Variants in SLC6A11 observed in about 807,000 individuals in gnomAD.
The protein encoded by SLC6A11 is solute carrier family 6 member 11.
A neutral mutation model predicts 74.8 loss-of-function variants in SLC6A11; 25 were observed. The observed-to-expected ratio is 0.33, with a 90% CI of 0.24 to 0.47. The LOEUF is 0.47. SLC6A11 is among the 20% of genes least tolerant of loss of function. The pLI is 1.00. For missense variants in SLC6A11, 574 were observed against 837.0 expected, an observed-to-expected ratio of 0.69 and a Z score of 3.88; for synonymous variants, 330 against 330.2, an observed-to-expected ratio of 1.00 and a Z score of 0.01.
intron 12 of SLC6A11, 24 bp downstream of exon 12, chr3:10,934,190 C>A: frequency 1.4e-6 from 2 of 1,474,324 alleles, no homozygotes; most frequent in African/African-American, 1.4e-5. Context: ...CAGGAGCCAC[C>A]TCCAGCCATC....
chr3:10,875,663 A>C (rs987242675), intron 6 of SLC6A11, among the ~76,000 whole-genome samples: 20 of 152,208 alleles, frequency 1.3e-4, no homozygotes, highest in Admixed American at 7.9e-4. Context: ...AGAGTTGGAG[A>C]AACTGGCTAA....
chr3:10,917,685 C>T (rs3774082), intron 7 of SLC6A11, among the ~76,000 whole-genome samples: 2 of 152,148 alleles, frequency 1.3e-5, no homozygotes, highest in African/African-American at 2.4e-5. Flanking sequence ...GCTGGTGAGT[C>T]CCCCCGCTCC....
In SLC6A11 at chr3:10,816,288, C is replaced by A; in HGVS notation, c.23C>A (p.Pro8His). Reference protein sequence around the residue: MTAEKALPLGNGKAAEEA... With the variant: MTAEKALHLGNGKAAEEA... ...GCCATGACGGCGGAGAAGGCGCTGC[C>A]CCTGGGCAATGGGAAGGCTGCTGAG... is the stretch of plus-strand genomic sequence containing the variant. Residue 8 changes from proline to histidine, a missense_variant, in exon 1 of 14, where the codon CCC becomes CAC. By Grantham distance (77) the Pro-to-His change is moderately conservative (BLOSUM62 -2). Coordinates refer to ENST00000254488, the MANE Select transcript of SLC6A11 (RefSeq NM_014229.3). This position sits in a 1 kb window ranked among gnomAD's most constrained non-coding sequence, Gnocchi z 4.2. 7.2e-7 allele frequency: 1 copy of A among 1,385,926 alleles called. No individual in the cohort carries two copies. The highest frequency in any genetic ancestry group is 1.7e-5 in the South Asian group (1 of 57,790). The allele number at this position is 1,385,926 out of a possible 1,614,324, so 85.9% of individuals were successfully genotyped here.
chr3:10,818,415 G>C (rs376894844), intron 1 of SLC6A11, among the ~76,000 whole-genome samples: 43 of 152,236 alleles, frequency 2.8e-4, no homozygotes, highest in African/African-American at 9.6e-4. Context: ...CTTCTCAACT[G>C]TTTACCTTTT....
intron 7 of SLC6A11, 67 bp downstream of exon 7, chr3:10,912,260 A>G: frequency 9.1e-7 from 1 of 1,099,146 alleles, no homozygotes; most frequent in East Asian, 2.4e-5. Flanking sequence ...CTGCCAGGCT[A>G]GTTTATGTTT....
Position 10,816,912 on chromosome 3 carries a change from G to T in SLC6A11, c.256+391G>T, listed in dbSNP as rs1335372757. ...GGAAGGGACTCCTGATGATCAAAGTGGTCTCAGTTTTTGCGCGCTTACTGA... is the reference window on the plus strand; with the variant it reads ...GGAAGGGACTCCTGATGATCAAAGTTGTCTCAGTTTTTGCGCGCTTACTGA... On this transcript the variant is annotated intron_variant, in intron 1 of 13. Transcript: ENST00000254488. This position sits in a 1 kb window ranked among gnomAD's most constrained non-coding sequence, Gnocchi z 4.2. 6.6e-6 allele frequency among the ~76,000 whole-genome samples: 1 copy of T among 152,210 alleles called. No homozygotes were observed. The highest frequency in any genetic ancestry group is 2.4e-5 in the African/African-American group (1 of 41,456).
chr3:10,913,381 G>A (rs1005562276), intron 7 of SLC6A11, among the ~76,000 whole-genome samples: 1 of 152,198 alleles, frequency 6.6e-6, no homozygotes, highest in Admixed American at 6.5e-5. Flanking sequence ...CCTCCATAAA[G>A]TGAGACTGGG....
At chr3:10,862,403 G>A (rs79929670) in intron 5 of SLC6A11, among the ~76,000 whole-genome samples, 1 of 152,258 alleles carries the variant, frequency 6.6e-6, no homozygotes, top group East Asian at 1.9e-4. Context: ...TGACTCCCTA[G>A]CTAACCTTAA....
At chr3:10,834,583 A>G (rs1437432626) in intron 4 of SLC6A11, among the ~76,000 whole-genome samples, 1 of 152,170 alleles carries the variant, frequency 6.6e-6, no homozygotes, top group African/African-American at 2.4e-5. Flanking sequence ...TAATAAAACA[A>G]TGAGGAAGTA....
chr3:10,878,907 G>A (rs540204423), intron 6 of SLC6A11, among the ~76,000 whole-genome samples: 9 of 152,244 alleles, frequency 5.9e-5, no homozygotes, highest in African/African-American at 1.7e-4. Flanking sequence ...TTTACTTGTT[G>A]AACAGGTATT....
chr3:10,820,564 G>A (rs1436447504), intron 3 of SLC6A11, among the ~76,000 whole-genome samples: 1 of 152,014 alleles, frequency 6.6e-6, no homozygotes, highest in Non-Finnish European at 1.5e-5. Context: ...TTTGAATTTA[G>A]CCCCCAACCC....
chr3:10,868,329 A>G lies in SLC6A11; in HGVS notation c.757-6632A>G, dbSNP rs117388082. Among the ~76,000 whole-genome samples the G allele has an allele frequency of 7.4e-3, 1,120 of 152,254 alleles. 50 individuals carry two copies. In the South Asian group the frequency reaches 0.1, roughly 14 times the overall value. ...CTTAGGGTGGGGTGGCCCTTCTACA[A>G]TGTTTGTGGCATTCCAAATGATCAG... is the stretch of plus-strand genomic sequence containing the variant. On this transcript the variant is annotated intron_variant, in intron 5 of 13. Transcript: ENST00000254488.
chr3:10,868,845 C>T (rs1694794982), intron 5 of SLC6A11, among the ~76,000 whole-genome samples: 1 of 152,228 alleles, frequency 6.6e-6, no homozygotes, highest in South Asian at 2.1e-4. Context: ...GCACCTTGCA[C>T]CTGAACTGTC....
At chr3:10,905,725 CT>C (rs1391414282) in intron 6 of SLC6A11, among the ~76,000 whole-genome samples, 3 of 152,200 alleles carry the variant, frequency 2.0e-5, no homozygotes, top group African/African-American at 7.2e-5. Context: ...GTTATGCTTT[CT>C]GTAAAGAGCC....
At chr3:10,828,910 T>G (rs1694255228) in intron 4 of SLC6A11, among the ~76,000 whole-genome samples, 1 of 152,230 alleles carries the variant, frequency 6.6e-6, no homozygotes, top group Non-Finnish European at 1.5e-5. Flanking sequence ...TCTGTTTTGT[T>G]CATTATTGTC....
intron 5 of SLC6A11, among the ~76,000 whole-genome samples, chr3:10,859,996 T>G (rs1694684298): frequency 6.6e-6 from 1 of 152,216 alleles, no homozygotes; most frequent in Non-Finnish European, 1.5e-5. Flanking sequence ...TGGCAACCAG[T>G]TTGTGGTAAC....
chr3:10,859,786 C>G (rs1575678948), intron 5 of SLC6A11, among the ~76,000 whole-genome samples: 1 of 152,038 alleles, frequency 6.6e-6, no homozygotes, highest in Non-Finnish European at 1.5e-5. Flanking sequence ...ATTTTATGTA[C>G]CAGAAGGTAC....
chr3:10,830,867 C>A (rs1559554000), intron 4 of SLC6A11, among the ~76,000 whole-genome samples: 1 of 152,114 alleles, frequency 6.6e-6, no homozygotes, highest in Admixed American at 6.5e-5. Flanking sequence ...TGTGATCAGG[C>A]CTGGGGATAA....
intron 11 of SLC6A11, among the ~76,000 whole-genome samples, chr3:10,933,588 G>A (rs528512162): frequency 1.8e-4 from 27 of 152,294 alleles, no homozygotes; most frequent in African/African-American, 5.8e-4. Flanking sequence ...CATGGTGCCT[G>A]GCCTTCCATA....
Sources: allele counts gnomAD v4.1 joint callset (sites outside exome capture counted in the v4.1 genomes callset), GRCh38; gene constraint gnomAD v4.1.1; non-coding constraint Gnocchi (gnomAD v3.1); transcripts MANE v1.5; gene names NCBI Gene and HGNC (gene_info 2026-07-23, HGNC 2026-07-21).